NEK5: variants seen among roughly 807,000 people sequenced by gnomAD.
NEK5 encodes serine/threonine-protein kinase Nek5.
A neutral mutation model predicts 109.2 loss-of-function variants in NEK5; 88 were observed. The ratio of observed to expected loss-of-function variants is 0.81; its 90% CI spans 0.68 to 0.96. The LOEUF (loss-of-function observed/expected upper bound fraction) is 0.96, where lower values mean the gene tolerates loss of function less well. Ranked by LOEUF, NEK5 falls within the 40% of genes least tolerant of loss-of-function variation. The probability of loss-of-function intolerance (pLI) is 0.00; values close to 1 mark genes in which losing one functional copy is unlikely to be tolerated. For synonymous variants in NEK5, 283 were observed against 299.9 expected (o/e 0.94, Z 0.58); for missense variants, 834 against 920.7 (o/e 0.91, Z 1.22).
intron 17 of NEK5, among the ~76,000 whole-genome samples, chr13:52,078,029 G>A (rs1954899824): frequency 6.6e-6 from 1 of 151,684 alleles, no homozygotes; most frequent in Non-Finnish European, 1.5e-5. Context: ...AACTGAGATT[G>A]TGCCATTGCA....
Position 52,061,883 on chromosome 13 carries a change from A to C in NEK5, c.2046T>G (p.Thr682=). The change falls in exon 22 of 24, where the codon ACT becomes ACG. Residue 682 remains threonine (T), a synonymous_variant. Transcript: ENST00000684899. ...RKQWRHEAPG[T]LMSVLAAAHL... ...GTGCTGCTGCCAAAACACTCATTAA[A>C]GTTCCTGGAGCTTCATGCCGCCACT... 1 of 985,514 alleles carries C rather than the reference A, an allele frequency of 1.0e-6. No individual in the cohort carries two copies. The allele number at this position is 985,514 out of a possible 1,614,324, so 61.0% of individuals were successfully genotyped here. A position where few individuals can be genotyped will look rare whatever the true frequency, so the allele number is the denominator to read the frequency against.
intron 17 of NEK5, 68 bp from the exon 18 acceptor site, chr13:52,076,211 C>G (rs1282191654): frequency 1.4e-5 from 11 of 812,454 alleles, no homozygotes; most frequent in Non-Finnish European, 2.0e-5. Flanking sequence ...TGCGTTAAAT[C>G]TGATGATTGA....
chr13:52,078,840 T>C (rs916109675), intron 17 of NEK5, among the ~76,000 whole-genome samples: 24 of 152,216 alleles, frequency 1.6e-4, no homozygotes, highest in African/African-American at 5.8e-4. Context: ...TCTGAGATCG[T>C]TGTATTTTAA....
At chr13:52,054,772 G>C (rs1954538628) in intron 22 of NEK5, among the ~76,000 whole-genome samples, 1 of 152,096 alleles carries the variant, frequency 6.6e-6, no homozygotes, top group South Asian at 2.1e-4. Context: ...CAAACAGAAG[G>C]GACATCCACA....
intron 8 of NEK5, among the ~76,000 whole-genome samples, chr13:52,104,762 G>T (rs983508036): frequency 6.6e-6 from 1 of 152,184 alleles, no homozygotes; most frequent in Non-Finnish European, 1.5e-5. Flanking sequence ...TCTAGTCAAA[G>T]AAAGGCACAC....
At chr13:52,037,801 T>G (rs906781505) in intron 23 of NEK5, among the ~76,000 whole-genome samples, 1 of 152,024 alleles carries the variant, frequency 6.6e-6, no homozygotes, top group African/African-American at 2.4e-5. Context: ...CGGGCGCCTG[T>G]AGTCCCAGCT....
At chr13:52,095,460 A>G (rs1955387755) in intron 12 of NEK5, among the ~76,000 whole-genome samples, 1 of 152,252 alleles carries the variant, frequency 6.6e-6, no homozygotes, top group Non-Finnish European at 1.5e-5. Flanking sequence ...TTTTCAAGGA[A>G]CTGGAAAAAT....
chr13:52,076,190 G>A, intron 17 of NEK5, 47 bp from the exon 18 acceptor site: 1 of 1,034,912 alleles, frequency 9.7e-7, no homozygotes, highest in Non-Finnish European at 1.5e-6. Flanking sequence ...ATGTTTACAT[G>A]AGTTGATTTC....
In NEK5 at chr13:52,127,649, G is replaced by C; in HGVS notation, c.-77C>G. 1 of 558,082 alleles carries C rather than the reference G, an allele frequency of 1.8e-6. No individual in the cohort carries two copies. Among genetic ancestry groups the C allele is most frequent in the South Asian group, 2.4e-5 (1 of 42,466 alleles). The allele number at this position is 558,082 out of a possible 1,614,324, so 34.6% of individuals were successfully genotyped here. ...AAGACAGAGACAAATAACTTTCTTT[G>C]TGGCCACAGATAACTGAAATGAGAC... On this transcript the variant is annotated 5_prime_UTR_variant, in exon 2 of 24. Coordinates refer to ENST00000684899, the MANE Select transcript of NEK5 (RefSeq NM_001365552.1).
At chr13:52,125,133 A>G (rs1956039881) in intron 3 of NEK5, among the ~76,000 whole-genome samples, 1 of 152,194 alleles carries the variant, frequency 6.6e-6, no homozygotes, top group African/African-American at 2.4e-5. Flanking sequence ...TTTGGGTACA[A>G]TTGTGATACC....
intron 17 of NEK5, among the ~76,000 whole-genome samples, chr13:52,080,289 G>A (rs1326896230): frequency 6.9e-5 from 10 of 145,824 alleles, no homozygotes; most frequent in South Asian, 6.7e-4. Flanking sequence ...CCCCCCGCCC[G>A]GCCAGCCGCC....
rs373619724 is a variant in NEK5, at chr13:52,101,922, G to A, written c.892+11C>T. 2.2e-4 allele frequency: 352 copies of A among 1,609,414 alleles called. No homozygotes were observed. The highest frequency in any genetic ancestry group is 2.6e-4 in the Non-Finnish European group (308 of 1,175,864). ...TAAATACTTTTGATTGCATGCCAAA[G>A]TCACACTTACTCTGGACCACCTTCC... On this transcript the variant is annotated intron_variant, in intron 11 of 23. Transcript: ENST00000684899.
chr13:52,037,698 CG>C (rs1954373600), intron 23 of NEK5, among the ~76,000 whole-genome samples: 1 of 151,980 alleles, frequency 6.6e-6, no homozygotes, highest in African/African-American at 2.4e-5. Context: ...CCGAGGCGGG[CG>C]GATCACGAGG....
chr13:52,118,271 C>G (rs1224479181), intron 4 of NEK5, among the ~76,000 whole-genome samples: 1 of 152,218 alleles, frequency 6.6e-6, no homozygotes, highest in Non-Finnish European at 1.5e-5. Flanking sequence ...AGTCTTAAAA[C>G]AGCCCTGCGC....
At chr13:52,115,474 G>A (rs1302381564) in intron 4 of NEK5, among the ~76,000 whole-genome samples, 36 of 150,796 alleles carry the variant, frequency 2.4e-4, no homozygotes, top group Non-Finnish European at 4.0e-4. Context: ...GCATGGTGGC[G>A]GGCGCCTGTA....
At chr13:52,060,698 C>G (rs1954606441) in intron 22 of NEK5, among the ~76,000 whole-genome samples, 1 of 152,076 alleles carries the variant, frequency 6.6e-6, no homozygotes, top group African/African-American at 2.4e-5. Context: ...CTTAGTTTTT[C>G]TACTTGTTTT....
chr13:52,077,918 T>C (rs1288980485), intron 17 of NEK5, among the ~76,000 whole-genome samples: 1 of 151,772 alleles, frequency 6.6e-6, no homozygotes, highest in Non-Finnish European at 1.5e-5. Context: ...CTATTAAAAA[T>C]ACAAAATTAG....
chr13:52,055,012 G>C lies in NEK5; in HGVS notation c.2111-4791C>G, dbSNP rs1332585034. ...GATCAAATTACTCCGAGCTATGGGA[G>C]GACATTCAAACCAAAGGCAAAGAAG... On this transcript the variant is annotated intron_variant, in intron 22 of 23. Coordinates refer to ENST00000684899, the MANE Select transcript of NEK5 (RefSeq NM_001365552.1). 1.1e-4 allele frequency among the ~76,000 whole-genome samples: 16 copies of C among 152,170 alleles called. No homozygotes were observed. In the South Asian group the frequency reaches 2.9e-3, roughly 28 times the overall value.
At chr13:52,048,562 G>C (rs1954477587) in intron 23 of NEK5, among the ~76,000 whole-genome samples, 1 of 152,138 alleles carries the variant, frequency 6.6e-6, no homozygotes, top group African/African-American at 2.4e-5. Flanking sequence ...ATTTATGGAT[G>C]TTAAAATTCA....
Sources: gnomAD v4.1 joint callset for allele counts (sites outside exome capture counted in the v4.1 genomes callset) on GRCh38, gnomAD v4.1.1 for gene constraint, MANE v1.5 for transcripts, NCBI Gene and HGNC (gene_info 2026-07-23, HGNC 2026-07-21) for gene names.